ANKAR: variants seen among roughly 807,000 people sequenced by gnomAD.
ANKAR encodes the protein ankyrin and armadillo repeat-containing protein.
Under a neutral mutation model 146.2 loss-of-function variants are expected in ANKAR, and 136 were observed. The observed-to-expected ratio is 0.93, with a 90% CI of 0.81 to 1.07. The LOEUF (loss-of-function observed/expected upper bound fraction) is 1.07, where lower values mean the gene tolerates loss of function less well. Ranked by LOEUF, ANKAR falls within the 50% of genes least tolerant of loss-of-function variation. The pLI, the probability that ANKAR is intolerant of heterozygous loss-of-function variation, is 0.00. For synonymous variants in ANKAR, 500 were observed against 575.8 expected (o/e 0.87, Z 1.88); for missense variants, 1,567 against 1,679.9 (o/e 0.93, Z 1.18).
intron 2 of ANKAR, among the ~76,000 whole-genome samples, chr2:189,679,907 GT>G (rs1272175168): frequency 6.6e-6 from 1 of 152,122 alleles, no homozygotes; most frequent in Non-Finnish European, 1.5e-5. Flanking sequence ...TTGGTCTGTA[GT>G]TTTCTTTTTT....
intron 3 of ANKAR, 39 bp downstream of exon 3, chr2:189,690,003 A>G (rs1298819809): frequency 2.3e-6 from 3 of 1,311,970 alleles, no homozygotes; most frequent in East Asian, 5.3e-5. Flanking sequence ...AAATATAGGT[A>G]TATATTAAAT....
intron 22 of ANKAR, among the ~76,000 whole-genome samples, chr2:189,745,505 G>T (rs13418043): frequency 0.034 from 5,099 of 152,206 alleles, 293 homozygotes; most frequent in African/African-American, 0.12. Context: ...TTTGTACATA[G>T]TTGGTACATT....
At chr2:189,719,479 C>T in intron 10 of ANKAR, 93 bp from the exon 11 acceptor site, 1 of 984,678 alleles carries the variant, frequency 1.0e-6, no homozygotes, top group South Asian at 3.0e-5. Flanking sequence ...TTGCAATGCC[C>T]ATAAATATTA....
chr2:189,692,123 TA>T, intron 3 of ANKAR, 131 bp from the exon 4 acceptor site: 1 of 730,280 alleles, frequency 1.4e-6, no homozygotes, highest in South Asian at 2.1e-5. Context: ...TTTTATGCAC[TA>T]TAATTGCCAA....
Position 189,676,800 on chromosome 2 carries a change from A to G in ANKAR, c.310A>G (p.Ile104Val). ...AGACTATAGAGAGGTCCATCAAATG[A>G]TAAGAGAGTTGGCTATTGGAATTTA... Reference protein sequence around the residue: ...LLDYREVHQMIRELAIGIYCL... With the variant: ...LLDYREVHQMVRELAIGIYCL... Residue 104 changes from isoleucine (I) to valine (V), a missense_variant, in exon 2 of 23, where the codon ATA (isoleucine) becomes GTA (valine). By Grantham distance (29) the Ile-to-Val change is conservative. Coordinates refer to ENST00000684021, the MANE Select transcript of ANKAR (RefSeq NM_001378068.1). 1 of 1,614,118 alleles carries G rather than the reference A, an allele frequency of 6.2e-7. No homozygotes were observed. The highest frequency in any genetic ancestry group is 8.5e-7 in the Non-Finnish European group (1 of 1,180,014).
In ANKAR at chr2:189,719,562, G is replaced by T. The variant is rs1351608475; in HGVS notation, c.2225-10G>T. On this transcript the variant is annotated splice_polypyrimidine_tract_variant and intron_variant, in intron 10 of 22. Transcript: ENST00000684021. ...CATGCTTTTTAATTTTTTTGCTCTT[G>T]TCATTACAGGCACCATTCCTGCCTT... The T allele has an allele frequency of 1.3e-6, 2 of 1,575,002 alleles. No homozygotes were observed. Among genetic ancestry groups the T allele is most frequent in the Admixed American group, 1.7e-5 (1 of 58,832 alleles).
intron 12 of ANKAR, among the ~76,000 whole-genome samples, chr2:189,722,071 G>C (rs141601666): frequency 6.6e-6 from 1 of 152,018 alleles, no homozygotes; most frequent in African/African-American, 2.4e-5. Flanking sequence ...GAGGCCAGGC[G>C]TGGTGGCTCA....
chr2:189,684,172 CTTAT>C (rs1274572030), intron 2 of ANKAR, among the ~76,000 whole-genome samples: 1 of 151,962 alleles, frequency 6.6e-6, no homozygotes, highest in African/African-American at 2.4e-5. Context: ...AAAATGGGAA[CTTAT>C]TTATTATCAC....
At chr2:189,748,544 C>A (rs569381885), downstream of ANKAR, among the ~76,000 whole-genome samples, 3 of 152,188 alleles carry the variant, frequency 2.0e-5, no homozygotes. Context: ...AAATAAGAGA[C>A]CTCTTTAATC....
In ANKAR at chr2:189,744,788, G is replaced by C. The variant is rs2043808629; in HGVS notation, c.4057G>C (p.Gly1353Arg). 1 of 1,579,370 alleles carries C rather than the reference G, an allele frequency of 6.3e-7. No homozygotes were observed. The highest frequency in any genetic ancestry group is 1.4e-5 in the African/African-American group (1 of 73,798). ...ATCCATAATTCCTATCTTTAAAAGAGGTAATTGATTTTTCTTTTATCTATG... is the reference window on the plus strand; with the variant it reads ...ATCCATAATTCCTATCTTTAAAAGACGTAATTGATTTTTCTTTTATCTATG... ...GPSIIPIFKRGKEHRRKLKPK... is the reference protein window; with the variant it reads ...GPSIIPIFKRRKEHRRKLKPK... The change falls in exon 22 of 23, where the codon GGG (glycine) becomes CGG (arginine). Residue 1353 changes from glycine to arginine, a missense_variant and splice_region_variant. By Grantham distance (125) the Gly-to-Arg change is moderately radical. Transcript: ENST00000684021.
At chr2:189,749,796 C>T (rs2044835259), downstream of ANKAR, among the ~76,000 whole-genome samples, 1 of 152,144 alleles carries the variant, frequency 6.6e-6, no homozygotes, top group South Asian at 2.1e-4. Context: ...AGAAAGTCAG[C>T]TTTTGTCTTG....
intron 2 of ANKAR, among the ~76,000 whole-genome samples, chr2:189,686,298 C>G (rs1401625381): frequency 6.6e-6 from 1 of 152,148 alleles, no homozygotes; most frequent in African/African-American, 2.4e-5. Context: ...CAAACAAATG[C>G]CACATTTTCT....
At position 189,743,446 on chromosome 2, in the gene ANKAR, C is replaced by A; in HGVS notation, c.3982C>A (p.Gln1328Lys). The A allele has an allele frequency of 6.2e-7, 1 of 1,613,784 alleles. No homozygotes were observed. The highest frequency in any genetic ancestry group is 8.5e-7 in the Non-Finnish European group (1 of 1,179,834). ...ATTTTTAAAGGAATTTCAAATGCAA[C>A]AAACACTGGTGGGACTTCCTTCCTT... Reference protein sequence around the residue: ...PAFLKEFQMQQTLVGLPSLSL... With the variant: ...PAFLKEFQMQKTLVGLPSLSL... Residue 1328 changes from glutamine (Q) to lysine (K), a missense_variant, in exon 21 of 23, where the codon CAA becomes AAA. Coordinates refer to ENST00000684021, the MANE Select transcript of ANKAR (RefSeq NM_001378068.1).
chr2:189,698,262 T>C (rs2037534553), intron 7 of ANKAR, among the ~76,000 whole-genome samples: 1 of 152,206 alleles, frequency 6.6e-6, no homozygotes. Context: ...CATAAATTAC[T>C]TTCTACTCAT....
intron 12 of ANKAR, 148 bp downstream of exon 12, chr2:189,720,935 CAATT>C: frequency 1.8e-6 from 1 of 555,214 alleles, no homozygotes; most frequent in South Asian, 6.7e-5. Context: ...ATCCAAAACA[CAATT>C]TATTTATTTT....
chr2:189,714,013 CA>C (rs996425305), intron 10 of ANKAR, among the ~76,000 whole-genome samples: 10 of 152,028 alleles, frequency 6.6e-5, no homozygotes, highest in African/African-American at 2.4e-4. Context: ...AAAAAGGAGA[CA>C]AGGGCATTAT....
chr2:189,685,832 A>G (rs1253023149), intron 2 of ANKAR, among the ~76,000 whole-genome samples: 1 of 152,160 alleles, frequency 6.6e-6, no homozygotes, highest in Non-Finnish European at 1.5e-5. Context: ...TTTTCAGCAC[A>G]ACTGCTCCTC....
Position 189,692,284 on chromosome 2 carries a change from C to T in ANKAR, c.1069C>T (p.Pro357Ser), listed in dbSNP as rs376593704. ...DDKVKTEREL[P>S]PFIYGRDFKC... Reference sequence around the variant, plus strand: ...CAAGGTCAAGACAGAGCGAGAATTGCCTCCATTTATTTATGGAAGAGATTT... The same window carrying T: ...CAAGGTCAAGACAGAGCGAGAATTGTCTCCATTTATTTATGGAAGAGATTT... The change falls in exon 4 of 23, where the codon CCT becomes TCT. Residue 357 changes from proline to serine, a missense_variant. Pro to Ser is a moderately conservative substitution (Grantham distance 74). Coordinates refer to ENST00000684021, the MANE Select transcript of ANKAR (RefSeq NM_001378068.1). 1 of 1,611,890 alleles carries T rather than the reference C, an allele frequency of 6.2e-7. No homozygotes were observed. The highest frequency in any genetic ancestry group is 8.5e-7 in the Non-Finnish European group (1 of 1,179,348).
downstream of ANKAR, among the ~76,000 whole-genome samples, chr2:189,747,871 A>G (rs1001565889): frequency 1.3e-5 from 2 of 152,106 alleles, no homozygotes; most frequent in African/African-American, 2.4e-5. Context: ...TTTTTAGTAG[A>G]GATGAGGTTT....
Sources: gnomAD v4.1 joint callset for allele counts (sites outside exome capture counted in the v4.1 genomes callset) on GRCh38, gnomAD v4.1.1 for gene constraint, MANE v1.5 for transcripts, NCBI Gene and HGNC (gene_info 2026-07-23, HGNC 2026-07-21) for gene names.